The following TYW1B variants were observed in gnomAD, a reference collection of about 807,000 sequenced individuals.
TYW1B encodes the protein tRNA-yW synthesizing protein 1 homolog B.
In TYW1B, 73 loss-of-function variants were observed where a neutral mutation model predicts 86.9. The observed-to-expected ratio is 0.84, with a 90% CI of 0.70 to 1.02. The LOEUF (loss-of-function observed/expected upper bound fraction) is 1.02, where lower values mean the gene tolerates loss of function less well. TYW1B is among the 50% of genes least tolerant of loss of function. The pLI is 0.00. For synonymous variants in TYW1B, 248 were observed against 292.8 expected (o/e 0.85, Z 1.56); for missense variants, 637 against 827.4 (o/e 0.77, Z 2.82).
intron 13 of TYW1B, among the ~76,000 whole-genome samples, chr7:72,609,701 C>G (rs1554435540): frequency 1.3e-5 from 2 of 152,130 alleles, no homozygotes; most frequent in African/African-American, 4.8e-5. Context: ...GCCAATGGAC[C>G]AGGCCTGAGA....
At chr7:72,698,119 G>T (rs1221727514) in intron 10 of TYW1B, 1 of 152,700 alleles carries the variant, frequency 6.5e-6, no homozygotes, top group African/African-American at 2.4e-5. Flanking sequence ...ACAATCTGGG[G>T]CTGTCAGAAC....
At chr7:72,681,281 T>A (rs1229313501) in intron 11 of TYW1B, among the ~76,000 whole-genome samples, 1 of 152,236 alleles carries the variant, frequency 6.6e-6, no homozygotes, top group Non-Finnish European at 1.5e-5. Flanking sequence ...CATGTGTCAG[T>A]CACCGTGTTA....
intron 11 of TYW1B, among the ~76,000 whole-genome samples, chr7:72,633,321 C>T (rs1240066229): frequency 2.0e-5 from 3 of 152,306 alleles, no homozygotes; most frequent in South Asian, 2.1e-4. Flanking sequence ...AAAAGATTCC[C>T]GTCTAACACC....
At chr7:72,754,263 C>T (rs1226196834) in intron 7 of TYW1B, among the ~76,000 whole-genome samples, 7 of 151,924 alleles carry the variant, frequency 4.6e-5, no homozygotes, top group Admixed American at 4.6e-4. Context: ...CCTCAGCCTC[C>T]TGAGTGGCTG....
intron 7 of TYW1B, among the ~76,000 whole-genome samples, chr7:72,771,607 CT>C (rs1787869959): frequency 6.6e-6 from 1 of 152,044 alleles, no homozygotes; most frequent in Admixed American, 6.6e-5. Context: ...AGCTTCACCC[CT>C]GAGTGGCTCC....
intron 2 of TYW1B, among the ~76,000 whole-genome samples, chr7:72,825,598 T>TGAGGTG (rs1398992005): frequency 6.6e-6 from 1 of 151,994 alleles, no homozygotes; most frequent in Non-Finnish European, 1.5e-5. Flanking sequence ...GAGAATTGCT[T>TGAGGTG]GAGGTGGAGG....
intron 11 of TYW1B, among the ~76,000 whole-genome samples, chr7:72,635,342 T>C (rs1357428613): frequency 6.6e-6 from 1 of 152,210 alleles, no homozygotes; most frequent in Non-Finnish European, 1.5e-5. Flanking sequence ...CACTAAGACT[T>C]GATATCCAAT....
At chr7:72,709,391 G>A (rs1554454221) in intron 10 of TYW1B, among the ~76,000 whole-genome samples, 1 of 152,144 alleles carries the variant, frequency 6.6e-6, no homozygotes, top group African/African-American at 2.4e-5. Context: ...AAGCGTGGCC[G>A]AGCGTGGTGG....
At chr7:72,771,524 T>C (rs1173275186) in intron 7 of TYW1B, among the ~76,000 whole-genome samples, 1 of 152,166 alleles carries the variant, frequency 6.6e-6, no homozygotes, top group Non-Finnish European at 1.5e-5. Context: ...TTATTGACAG[T>C]GTATAATAAT....
chr7:72,633,473 G>A (rs71553245), intron 11 of TYW1B, among the ~76,000 whole-genome samples: 1 of 152,230 alleles, frequency 6.6e-6, no homozygotes, highest in Non-Finnish European at 1.5e-5. Context: ...GAAACTGTGA[G>A]ATGAAACACA....
At chr7:72,597,600 A>C (rs1186435527) in intron 13 of TYW1B, among the ~76,000 whole-genome samples, 1 of 152,010 alleles carries the variant, frequency 6.6e-6, no homozygotes, top group East Asian at 1.9e-4. Flanking sequence ...ATCTCGGCTG[A>C]ACTAGACACA....
chr7:72,597,773 C>T (rs1297918186), intron 13 of TYW1B, among the ~76,000 whole-genome samples: 13 of 151,966 alleles, frequency 8.6e-5, no homozygotes, highest in African/African-American at 2.9e-4. Context: ...ATACACATTA[C>T]AAAAAATGAT....
chr7:72,781,752 C>T (rs527503738), intron 6 of TYW1B, among the ~76,000 whole-genome samples: 171 of 152,302 alleles, frequency 1.1e-3, no homozygotes, highest in Middle Eastern at 3.4e-3. Context: ...ACTTCCACTC[C>T]TCCCATCTCC....
chr7:72,803,640 G>C (rs1361941553), intron 5 of TYW1B, among the ~76,000 whole-genome samples: 1 of 152,056 alleles, frequency 6.6e-6, no homozygotes, highest in Non-Finnish European at 1.5e-5. Flanking sequence ...TTGTTGTTGA[G>C]TCTCGTTCTG....
chr7:72,618,977 C>T (rs1393902940), intron 12 of TYW1B, among the ~76,000 whole-genome samples: 23 of 152,102 alleles, frequency 1.5e-4, no homozygotes, highest in Non-Finnish European at 1.9e-4. Flanking sequence ...CGTCACAGCC[C>T]GAATTTCCAC....
chr7:72,717,735 G>A (rs1454779263), intron 9 of TYW1B, among the ~76,000 whole-genome samples: 4 of 151,676 alleles, frequency 2.6e-5, no homozygotes, highest in East Asian at 3.9e-4. Flanking sequence ...TGTAAGTTAC[G>A]TGAAAAAAAC....
chr7:72,776,416 C>T (rs1243154900), intron 7 of TYW1B, among the ~76,000 whole-genome samples: 1 of 151,712 alleles, frequency 6.6e-6, no homozygotes, highest in Non-Finnish European at 1.5e-5. Context: ...AAAAAATTAG[C>T]TGAGCATGGT....
chr7:72,818,740 G>A (rs4717692), intron 2 of TYW1B, among the ~76,000 whole-genome samples: 99,872 of 151,722 alleles, frequency 0.66, 34,177 homozygotes, highest in Middle Eastern at 0.76. Flanking sequence ...CTTGGTGGAA[G>A]GCAAAGGAGG....
At chr7:72,639,623 G>C (rs1340601324) in intron 11 of TYW1B, among the ~76,000 whole-genome samples, 3 of 152,118 alleles carry the variant, frequency 2.0e-5, no homozygotes, top group African/African-American at 7.2e-5. Flanking sequence ...CAGCACTCTG[G>C]GAGGCCGAGG....
Sources: gnomAD v4.1 joint callset for allele counts (sites outside exome capture counted in the v4.1 genomes callset) on GRCh38, gnomAD v4.1.1 for gene constraint, MANE v1.5 for transcripts, NCBI Gene and HGNC (gene_info 2026-07-23, HGNC 2026-07-21) for gene names.